Variants in RPGR observed in about 807,000 individuals in gnomAD.
The protein encoded by RPGR is retinitis pigmentosa GTPase regulator, also known as X-linked retinitis pigmentosa GTPase regulator.
In RPGR, 10 loss-of-function variants were observed where a neutral mutation model predicts 56.3. The observed-to-expected ratio is 0.18, with a 90% CI of 0.11 to 0.30. The LOEUF (loss-of-function observed/expected upper bound fraction) is 0.30. Ranked by LOEUF, RPGR falls within the 10% of genes least tolerant of loss-of-function variation. RPGR has a pLI of 1.00. For synonymous variants in RPGR, 197 were observed against 212.9 expected (o/e 0.93, Z 0.65); for missense variants, 538 against 590.9 (o/e 0.91, Z 0.93).
At chrX:38,320,671 G>A (rs1474444994) in intron 4 of RPGR, among the ~76,000 whole-genome samples, 1 of 111,717 alleles carries the variant, frequency 9.0e-6, no homozygotes, top group African/African-American at 3.3e-5. Flanking sequence ...AAGCTCATAT[G>A]GATTTTGATG....
intron 6 of RPGR, among the ~76,000 whole-genome samples, chrX:38,311,326 C>T (rs1055933631): frequency 1.8e-5 from 2 of 112,361 alleles, no homozygotes; most frequent in South Asian, 3.7e-4. Context: ...TCCATACTAA[C>T]GCTATTAATT....
At chrX:38,319,034 TTA>T (rs756943236) in intron 4 of RPGR, 47 bp from the exon 5 acceptor site, 1 of 1,164,787 alleles carries the variant, frequency 8.6e-7, no homozygotes, top group Non-Finnish European at 1.2e-6. Flanking sequence ...GTCCCCCTTT[TTA>T]TGAGACAGGT....
chrX:38,287,485 A>G (rs772887493), intron 14 of RPGR: 2 of 532,965 alleles, frequency 3.8e-6, no homozygotes, highest in East Asian at 7.1e-5. Flanking sequence ...TGGCTTTTCT[A>G]CTGATTCTCT....
intron 7 of RPGR, among the ~76,000 whole-genome samples, chrX:38,306,958 C>T (rs73192551): frequency 0.023 from 2,624 of 112,754 alleles, 51 homozygotes; most frequent in Middle Eastern, 0.055. Flanking sequence ...CATTTAACAA[C>T]ATAATTTAAT....
chrX:38,288,475 C>T (rs1467537500), intron 13 of RPGR, among the ~76,000 whole-genome samples: 2 of 111,528 alleles, frequency 1.8e-5, no homozygotes, highest in Admixed American at 9.5e-5. Flanking sequence ...GAGGCCGAGG[C>T]GGGTGGATTA....
At chrX:38,297,124 G>T (rs994887399) in intron 11 of RPGR, among the ~76,000 whole-genome samples, 160 bp downstream of exon 11, 1 of 112,005 alleles carries the variant, frequency 8.9e-6, no homozygotes, top group South Asian at 3.7e-4. Flanking sequence ...CTTTCTACTT[G>T]TAAGGATATT....
intron 9 of RPGR, 118 bp from the exon 10 acceptor site, chrX:38,299,259 T>C: frequency 1.4e-6 from 1 of 723,031 alleles, no homozygotes; most frequent in Non-Finnish European, 2.1e-6. Context: ...CAGACTGGCT[T>C]GGTGAATCTC....
intron 9 of RPGR, among the ~76,000 whole-genome samples, chrX:38,300,967 C>T (rs912968678): frequency 9.0e-6 from 1 of 111,622 alleles, no homozygotes; most frequent in Non-Finnish European, 1.9e-5. Flanking sequence ...ACAAAGCCTG[C>T]GGGCATGGCA....
In RPGR at chrX:38,273,471, A is replaced by G. The variant is rs1399519309; in HGVS notation, c.2156T>C (p.Met719Thr). 1.7e-6 allele frequency: 2 copies of G among 1,193,079 alleles called. No individual in the cohort carries two copies. The highest frequency in any genetic ancestry group is 2.2e-5 in the Admixed American group (1 of 45,823). Residue 719 changes from methionine (M) to threonine (T), a missense_variant, in exon 18 of 19, where the codon ATG becomes ACG. This residue lies in a region of RPGR where 357 missense variants were observed against 325.8 expected (regional missense o/e 1.10). Coordinates refer to ENST00000642395, the MANE Select transcript of RPGR (RefSeq NM_000328.3). ...TGAACTGCTATCTGCATCATCAAGC[A>G]TGTATCCTACAATTGGATCATTCAG...
At chrX:38,308,690 G>C (rs1487778502) in intron 7 of RPGR, among the ~76,000 whole-genome samples, 1 of 110,941 alleles carries the variant, frequency 9.0e-6, no homozygotes, top group Non-Finnish European at 1.9e-5. Flanking sequence ...TTAATTTTTA[G>C]AATATTTTCG....
intron 15 of RPGR, among the ~76,000 whole-genome samples, chrX:38,281,480 T>C (rs2067030541): frequency 8.9e-6 from 1 of 112,182 alleles, no homozygotes; most frequent in African/African-American, 3.2e-5. Flanking sequence ...CACAGATCTA[T>C]TTCTATAAGC....
chrX:38,289,741 T>C (rs2067250596), intron 13 of RPGR, among the ~76,000 whole-genome samples: 1 of 112,568 alleles, frequency 8.9e-6, no homozygotes, highest in African/African-American at 3.2e-5. Context: ...GTATAAAATA[T>C]ATGTCAGCTT....
At chrX:38,302,836 G>A (rs746028524) in intron 8 of RPGR, among the ~76,000 whole-genome samples, 1,390 of 98,605 alleles carry the variant, frequency 0.014, 27 homozygotes, top group Non-Finnish European at 0.021. Flanking sequence ...TTTGAGATGG[G>A]GTCTCGCTCT....
intron 15 of RPGR, chrX:38,285,330 A>G (rs2067107846): frequency 9.4e-7 from 1 of 1,067,530 alleles, no homozygotes; most frequent in Non-Finnish European, 1.2e-6. Flanking sequence ...GGGGGGAAAT[A>G]CACGAAAATT....
At chrX:38,317,243 A>G in intron 6 of RPGR, 73 bp downstream of exon 6, 5 of 983,274 alleles carry the variant, frequency 5.1e-6, no homozygotes, top group South Asian at 2.0e-5. Flanking sequence ...ACCAGAGACT[A>G]TATCATTTCA....
chrX:38,305,890 A>C (rs1338756995), intron 7 of RPGR, among the ~76,000 whole-genome samples: 1 of 112,209 alleles, frequency 8.9e-6, no homozygotes, highest in African/African-American at 3.2e-5. Flanking sequence ...TTTATTCACA[A>C]GTAAAGCTTC....
At chrX:38,322,241 T>G (rs1322492509) in intron 3 of RPGR, among the ~76,000 whole-genome samples, 1 of 112,143 alleles carries the variant, frequency 8.9e-6, no homozygotes, top group Non-Finnish European at 1.9e-5. Context: ...GTTTAGCTGA[T>G]GTTCACAGGT....
At chrX:38,322,256 C>T (rs2067955635) in intron 3 of RPGR, among the ~76,000 whole-genome samples, 1 of 111,741 alleles carries the variant, frequency 8.9e-6, no homozygotes, top group South Asian at 3.7e-4. Context: ...ACAGGTTATA[C>T]CCAAACAGAG....
chrX:38,297,302 T>C lies in RPGR; in HGVS notation c.1396A>G (p.Met466Val), dbSNP rs774476238. 8.3e-7 allele frequency: 1 copy of C among 1,210,566 alleles called. No individual in the cohort carries two copies. Among genetic ancestry groups the C allele is most frequent in the Non-Finnish European group, 1.1e-6 (1 of 895,040 alleles). Residue 466 changes from methionine to valine, a missense_variant, in exon 11 of 19, where the codon ATG (methionine) becomes GTG (valine). Around this residue, in one of 2 missense-constraint regions of RPGR, gnomAD observed 357 missense variants for 325.8 expected, o/e 1.10. Transcript: ENST00000642395. ...ATGTTACCTGGTTCCTCTGGCTGCA[T>C]GAGGTCCTGTTCAGATAAGACACTC...
Sources: allele counts gnomAD v4.1 joint callset (sites outside exome capture counted in the v4.1 genomes callset), GRCh38; gene constraint gnomAD v4.1.1; regional missense constraint gnomAD v4.1.1; transcripts MANE v1.5; gene names NCBI Gene and HGNC (gene_info 2026-07-23, HGNC 2026-07-21).